CARS2: variants seen among roughly 807,000 people sequenced by gnomAD.
CARS2 encodes probable cysteine--tRNA ligase, mitochondrial.
Under a neutral mutation model 68.8 loss-of-function variants are expected in CARS2, and 52 were observed. The ratio of observed to expected loss-of-function variants is 0.76; its 90% confidence interval spans 0.61 to 0.95. The LOEUF (loss-of-function observed/expected upper bound fraction) is 0.95, where lower values mean the gene tolerates loss of function less well. Among genes scored for constraint, CARS2 ranks in the 40% least tolerant of loss-of-function variants. The probability of loss-of-function intolerance (pLI) is 0.00; values close to 1 mark genes in which losing one functional copy is unlikely to be tolerated. For synonymous variants in CARS2, 314 were observed against 303.6 expected, an observed-to-expected ratio of 1.03 and a Z score of -0.36; for missense variants, 780 against 754.2, an observed-to-expected ratio of 1.03 and a Z score of -0.40.
intron 6 of CARS2, among the ~76,000 whole-genome samples, chr13:110,682,804 G>A (rs1353661415): frequency 6.6e-6 from 1 of 152,170 alleles, no homozygotes; most frequent in Non-Finnish European, 1.5e-5. Context: ...GACCAGCACT[G>A]TCTCCAGGGA....
chr13:110,646,181 G>A, intron 11 of CARS2, 91 bp from the exon 12 acceptor site: 1 of 1,441,978 alleles, frequency 6.9e-7, no homozygotes, highest in Non-Finnish European at 9.2e-7. Context: ...GAGAGACGCT[G>A]GGGGCTCTAA....
intron 10 of CARS2, chr13:110,649,046 T>A (rs1201824556): frequency 6.6e-6 from 1 of 152,254 alleles, no homozygotes; most frequent in Non-Finnish European, 1.5e-5. Context: ...TCTGCCCGTT[T>A]CCAGCAACAC....
chr13:110,641,982 AC>A (rs532657852), intron 14 of CARS2, among the ~76,000 whole-genome samples: 43 of 152,252 alleles, frequency 2.8e-4, no homozygotes, highest in Non-Finnish European at 3.8e-4. Flanking sequence ...TGGGAGGATC[AC>A]CTGAGGTCGG....
chr13:110,663,325 G>A (rs934650175), intron 9 of CARS2, 126 bp downstream of exon 9: 12 of 936,902 alleles, frequency 1.3e-5, no homozygotes, highest in South Asian at 1.0e-4. Flanking sequence ...GGCAGGTCTC[G>A]TCATAAGAAA....
At chr13:110,712,564 G>C (rs1265130871) in intron 1 of CARS2, 6 of 322,996 alleles carry the variant, frequency 1.9e-5, no homozygotes, top group Non-Finnish European at 3.6e-5. Context: ...CGGTCGCCTA[G>C]GCAACGGGCT....
At chr13:110,646,868 C>T (rs965332588) in intron 11 of CARS2, 7 of 490,024 alleles carry the variant, frequency 1.4e-5, no homozygotes, top group South Asian at 3.7e-5. Flanking sequence ...CCTGACCCCA[C>T]ACCTCCTGTC....
At chr13:110,704,562 A>G (rs1414635502) in intron 2 of CARS2, among the ~76,000 whole-genome samples, 4 of 152,150 alleles carry the variant, frequency 2.6e-5, no homozygotes, top group African/African-American at 9.7e-5. Flanking sequence ...CGTCTCTACT[A>G]AAAATACAAA....
intron 6 of CARS2, among the ~76,000 whole-genome samples, chr13:110,680,341 C>T (rs7326465): frequency 0.084 from 12,825 of 152,102 alleles, 653 homozygotes; most frequent in Middle Eastern, 0.17. Context: ...TGCAGTGAAC[C>T]GAGATCATGC....
chr13:110,663,769 G>A, intron 8 of CARS2: 1 of 1,254,000 alleles, frequency 8.0e-7, no homozygotes, highest in Non-Finnish European at 1.0e-6. Flanking sequence ...TGCCCCAGCT[G>A]ACTCAGAAGC....
At chr13:110,694,068 C>A (rs1458455331) in intron 3 of CARS2, among the ~76,000 whole-genome samples, 3 of 151,896 alleles carry the variant, frequency 2.0e-5, no homozygotes, top group Non-Finnish European at 4.4e-5. Context: ...GCTCTTGTTG[C>A]CCAGGCTGGA....
rs768819022 is a variant in CARS2, at chr13:110,651,110, CGA to C, written c.988-12_988-11del. ...AGGTCTTCAGAAAGTCCTGGTAAAGCGAGAGACAGGCAGTCACGAGGCTTTGC... is the reference window on the plus strand; with the variant it reads ...AGGTCTTCAGAAAGTCCTGGTAAAGCGAGACAGGCAGTCACGAGGCTTTGC... On this transcript the variant is annotated splice_polypyrimidine_tract_variant and intron_variant, in intron 9 of 14. Coordinates refer to ENST00000257347, the MANE Select transcript of CARS2 (RefSeq NM_024537.4). 1.2e-6 allele frequency: 2 copies of C among 1,609,306 alleles called. No individual in the cohort carries two copies. Among genetic ancestry groups the C allele is most frequent in the South Asian group, 1.1e-5 (1 of 90,926 alleles).
chr13:110,691,869 C>T (rs2063468622), intron 3 of CARS2, among the ~76,000 whole-genome samples: 2 of 151,172 alleles, frequency 1.3e-5, no homozygotes, highest in South Asian at 2.1e-4. Context: ...GGGGCACAGA[C>T]ACAGGGGTGA....
rs929078299 is a variant in CARS2, at chr13:110,665,481, G to C, written c.919+1859C>G. 1.7e-5 allele frequency: 17 copies of C among 985,382 alleles called. No homozygotes were observed. Among genetic ancestry groups the C allele is most frequent in the Non-Finnish European group, 1.6e-5 (13 of 830,000 alleles). 61.0% of individuals were successfully genotyped at this position (985,382 alleles called of 1,614,324 possible). On this transcript the variant is annotated intron_variant, in intron 8 of 14. Coordinates refer to ENST00000257347, the MANE Select transcript of CARS2 (RefSeq NM_024537.4). The surrounding 1 kb of genome is among the most constrained non-coding windows in gnomAD (Gnocchi z 4.3). ...CAAATGCTTTCCCATTCCCACATCG[G>C]AAGGTGAACACGACCTCCGTTTCTA...
At chr13:110,645,203 G>A (rs920927744) in intron 12 of CARS2, 3 of 152,414 alleles carry the variant, frequency 2.0e-5, no homozygotes, top group Non-Finnish European at 2.9e-5. Context: ...CGAGCCCTGC[G>A]CGTCTGCAGT....
In CARS2 at chr13:110,654,582, C is replaced by T. The variant is rs2986085; in HGVS notation, c.988-3482G>A. On this transcript the variant is annotated intron_variant, in intron 9 of 14. Coordinates refer to ENST00000257347, the MANE Select transcript of CARS2 (RefSeq NM_024537.4). Reference sequence around the variant, plus strand: ...CAAATCAACACAGCAAATAGACAAACGCATGGAAATTTAAAATCTAGTTGC... The same window carrying T: ...CAAATCAACACAGCAAATAGACAAATGCATGGAAATTTAAAATCTAGTTGC... Among the ~76,000 whole-genome samples, 15 of 151,390 alleles carry T rather than the reference C, an allele frequency of 9.9e-5. No homozygotes were observed. The East Asian group carries it at 2.5e-3, about 25-fold the overall frequency.
At chr13:110,684,249 T>C (rs1204683808) in intron 5 of CARS2, among the ~76,000 whole-genome samples, 1 of 152,074 alleles carries the variant, frequency 6.6e-6, no homozygotes, top group Admixed American at 6.5e-5. Context: ...CAGGCGTGGG[T>C]GCAACTTTTA....
intron 3 of CARS2, among the ~76,000 whole-genome samples, chr13:110,692,899 C>G (rs1314000497): frequency 6.6e-6 from 1 of 151,906 alleles, no homozygotes; most frequent in Non-Finnish European, 1.5e-5. Flanking sequence ...ATCATGAGGT[C>G]AGGAGTTCGA....
chr13:110,642,591 G>A (rs1235019862), intron 13 of CARS2, 70 bp from the exon 14 acceptor site: 1 of 1,485,376 alleles, frequency 6.7e-7, no homozygotes, highest in South Asian at 1.1e-5. Context: ...CCCACCCCGT[G>A]GTTGGGCTCT....
At chr13:110,712,349 T>G in intron 1 of CARS2, 1 of 162,100 alleles carries the variant, frequency 6.2e-6, no homozygotes, top group Non-Finnish European at 1.3e-5. Context: ...CGGAAGAAAA[T>G]CAGAGAAAAG....
Sources: gnomAD v4.1 joint callset for allele counts (sites outside exome capture counted in the v4.1 genomes callset) on GRCh38, gnomAD v4.1.1 for gene constraint, Gnocchi (gnomAD v3.1) non-coding constraint, MANE v1.5 for transcripts, NCBI Gene and HGNC (gene_info 2026-07-23, HGNC 2026-07-21) for gene names.